The following MTMR7 variants were observed in gnomAD, a reference collection of about 807,000 sequenced individuals.
MTMR7 encodes the protein myotubularin related protein 7.
In MTMR7, 76 loss-of-function variants were observed where a neutral mutation model predicts 81.2. The ratio of observed to expected loss-of-function variants is 0.94; its 90% CI spans 0.78 to 1.13. MTMR7 has a LOEUF of 1.13. Ranked by LOEUF, MTMR7 falls within the 50% of genes most tolerant of loss-of-function variation. The pLI is 0.00. For synonymous variants in MTMR7, 372 were observed against 289.8 expected (o/e 1.28, Z -2.88); for missense variants, 1,044 against 820.0 (o/e 1.27, Z -3.34).
chr8:17,367,184 G>T (rs980146020), intron 3 of MTMR7, among the ~76,000 whole-genome samples: 1 of 152,028 alleles, frequency 6.6e-6, no homozygotes, highest in African/African-American at 2.4e-5. Flanking sequence ...TCAATCATGA[G>T]ATTTTTTCTA....
chr8:17,375,928 G>A (rs1032680317), intron 1 of MTMR7, among the ~76,000 whole-genome samples: 5 of 151,956 alleles, frequency 3.3e-5, no homozygotes, highest in Admixed American at 2.0e-4. Flanking sequence ...TATACCATAC[G>A]GTTCACCCAT....
Position 17,413,274 on chromosome 8 carries a change from G to T in MTMR7, c.19C>A (p.Pro7Thr), listed in dbSNP as rs201355231. MEHIRT[P>T]KVENVRLVDR... ...CCCGCGCTGGTGTCACCAACCTTGG[G>T]CGTACGGATGTGCTCCATGGCTGGC... The change falls in exon 1 of 14, where the codon CCC becomes ACC. Residue 7 changes from proline to threonine, a missense_variant. Pro to Thr is a conservative substitution (Grantham distance 38). Coordinates refer to ENST00000180173, the MANE Select transcript of MTMR7 (RefSeq NM_004686.5). 12 of 1,548,270 alleles carry T rather than the reference G, an allele frequency of 7.8e-6. No homozygotes were observed. The highest frequency in any genetic ancestry group is 1.0e-5 in the Non-Finnish European group (12 of 1,145,176).
intron 3 of MTMR7, among the ~76,000 whole-genome samples, chr8:17,367,160 C>A (rs1399613220): frequency 6.6e-6 from 1 of 151,968 alleles, no homozygotes; most frequent in Non-Finnish European, 1.5e-5. Context: ...ACCAATAAAG[C>A]AAATGAGACT....
intron 1 of MTMR7, among the ~76,000 whole-genome samples, chr8:17,394,866 A>G (rs536813957): frequency 2.8e-4 from 43 of 152,214 alleles, no homozygotes; most frequent in African/African-American, 1.0e-3. Flanking sequence ...TTCAGTCAGT[A>G]AGTATTTACT....
At chr8:17,307,703 G>C (rs527291507) in intron 10 of MTMR7, among the ~76,000 whole-genome samples, 1 of 152,170 alleles carries the variant, frequency 6.6e-6, no homozygotes. Context: ...ATATTATGCA[G>C]CCATAAAAAA....
rs1554511151 is a variant in MTMR7, at chr8:17,337,362, C to CCA, written c.732+4000_732+4001insTG. Among the ~76,000 whole-genome samples the CCA allele has an allele frequency of 1.6e-3, 140 of 89,624 alleles. 6 individuals are homozygous for CCA. Among genetic ancestry groups the CCA allele is most frequent in the Non-Finnish European group, 2.4e-3 (91 of 37,558 alleles). The allele number at this position is 89,624 out of a possible 152,430, so 58.8% of individuals were successfully genotyped here. A position where few individuals can be genotyped will look rare whatever the true frequency, so the allele number is the denominator to read the frequency against. On this transcript the variant is annotated intron_variant, in intron 6 of 13. Coordinates refer to ENST00000180173, the MANE Select transcript of MTMR7 (RefSeq NM_004686.5). ...CCTGGGGGCGAGTAAAACTCCGTCCCAAAAAAAAAAAAAAAAAAAGTGCCT... is the reference window on the plus strand; with the variant it reads ...CCTGGGGGCGAGTAAAACTCCGTCCCCAAAAAAAAAAAAAAAAAAAAGTGCCT...
At chr8:17,303,377 G>A (rs1027962659) in intron 12 of MTMR7, among the ~76,000 whole-genome samples, 6 of 152,076 alleles carry the variant, frequency 3.9e-5, no homozygotes, top group Admixed American at 6.6e-5. Context: ...CTTGAGAAAC[G>A]AAATCTATAC....
At chr8:17,412,797 G>T (rs1263938928) in intron 1 of MTMR7, among the ~76,000 whole-genome samples, 1 of 152,204 alleles carries the variant, frequency 6.6e-6, no homozygotes, top group South Asian at 2.1e-4. Flanking sequence ...GGAAGGCCGA[G>T]CCGGGTGGGC....
chr8:17,385,610 AT>A (rs1426104797), intron 1 of MTMR7, among the ~76,000 whole-genome samples: 1 of 152,110 alleles, frequency 6.6e-6, no homozygotes, highest in South Asian at 2.1e-4. Flanking sequence ...AAATTACCCA[AT>A]CGCGGGTATG....
At chr8:17,318,808 C>T (rs1391170190) in intron 7 of MTMR7, among the ~76,000 whole-genome samples, 1 of 152,200 alleles carries the variant, frequency 6.6e-6, no homozygotes, top group Non-Finnish European at 1.5e-5. Flanking sequence ...GGACAGCTGA[C>T]ACAGGAGAAG....
intron 1 of MTMR7, among the ~76,000 whole-genome samples, chr8:17,391,430 C>T (rs1332240890): frequency 1.3e-5 from 2 of 152,108 alleles, no homozygotes; most frequent in Admixed American, 6.6e-5. Context: ...CTTTACTACA[C>T]GGTAAGTTCC....
rs1816706586 is a variant in MTMR7 at position 17,297,033 on chromosome 8, A to G, written c.*2829T>C. 3 of 152,298 alleles carry G rather than the reference A, an allele frequency of 2.0e-5. No homozygotes were observed. 9.4% of individuals were successfully genotyped at this position (152,298 alleles called of 1,614,324 possible). On this transcript the variant is annotated 3_prime_UTR_variant, in exon 14 of 14. Coordinates refer to ENST00000180173, the MANE Select transcript of MTMR7 (RefSeq NM_004686.5). ...GGTTCTGTTTTTGCAACAGAGATTAAGTGACCATTTTTTCTAATTTTATGG... is the reference window on the plus strand; with the variant it reads ...GGTTCTGTTTTTGCAACAGAGATTAGGTGACCATTTTTTCTAATTTTATGG...
At chr8:17,362,186 G>A (rs766640662) in intron 3 of MTMR7, among the ~76,000 whole-genome samples, 3 of 151,892 alleles carry the variant, frequency 2.0e-5, no homozygotes, top group Non-Finnish European at 2.9e-5. Context: ...ATTTTATTTA[G>A]CCCAATATAT....
chr8:17,376,439 T>A (rs565855753), intron 1 of MTMR7, among the ~76,000 whole-genome samples: 4 of 152,352 alleles, frequency 2.6e-5, no homozygotes, highest in Admixed American at 6.5e-5. Context: ...CTTTCATTTA[T>A]CTTGGCTATA....
At chr8:17,400,412 G>A (rs73666139) in intron 1 of MTMR7, among the ~76,000 whole-genome samples, 8,690 of 152,218 alleles carry the variant, frequency 0.057, 294 homozygotes, top group African/African-American at 0.096. Flanking sequence ...CCCAGAGTGT[G>A]TGTTCTTAAC....
intron 1 of MTMR7, 105 bp downstream of exon 1, chr8:17,413,164 C>T (rs1395667680): frequency 3.0e-6 from 4 of 1,345,588 alleles, no homozygotes; most frequent in Admixed American, 4.0e-5. Flanking sequence ...GGTCCAGGCT[C>T]CGCCGGTGCC....
In MTMR7 at chr8:17,339,989, T is replaced by C. The variant is rs371486845; in HGVS notation, c.732+1374A>G. ...TTTTTGAGATGGAGTTTCGCTCTTGTTGCCCAGGCTGGAGTGCAATGGCAC... is the reference window on the plus strand; with the variant it reads ...TTTTTGAGATGGAGTTTCGCTCTTGCTGCCCAGGCTGGAGTGCAATGGCAC... On this transcript the variant is annotated intron_variant, in intron 6 of 13. Transcript: ENST00000180173. 1.2e-3 allele frequency among the ~76,000 whole-genome samples: 188 copies of C among 152,384 alleles called. 3 individuals carry two copies. Among genetic ancestry groups the C allele is most frequent in the African/African-American group, 4.4e-3 (181 of 41,594 alleles).
chr8:17,301,614 A>T (rs887274281), intron 13 of MTMR7: 1 of 152,626 alleles, frequency 6.6e-6, no homozygotes, highest in African/African-American at 2.4e-5. Flanking sequence ...GAATCCTAAG[A>T]TGTTCATAAA....
chr8:17,332,413 T>C lies in MTMR7; in HGVS notation c.733-1131A>G, dbSNP rs2150531762. On this transcript the variant is annotated intron_variant, in intron 6 of 13. Coordinates refer to ENST00000180173, the MANE Select transcript of MTMR7 (RefSeq NM_004686.5). ...TTGAAAAAAGCTGAAAACCCATGACTATCTCAATAGGACAATGACAGGATA... is the reference window on the plus strand; with the variant it reads ...TTGAAAAAAGCTGAAAACCCATGACCATCTCAATAGGACAATGACAGGATA... Among the ~76,000 whole-genome samples the C allele has an allele frequency of 1.3e-5, 2 of 152,248 alleles. 1 individual carries two copies. The highest frequency in any genetic ancestry group is 4.1e-4 in the South Asian group (2 of 4,828).
Sources: gnomAD v4.1 joint callset for allele counts (sites outside exome capture counted in the v4.1 genomes callset) on GRCh38, gnomAD v4.1.1 for gene constraint, MANE v1.5 for transcripts, NCBI Gene and HGNC (gene_info 2026-07-23, HGNC 2026-07-21) for gene names.